Variants in ITGB5 observed in about 807,000 individuals in gnomAD.
The protein encoded by ITGB5 is integrin subunit beta 5, also known as integrin beta-5.
Under a neutral mutation model 84.8 loss-of-function variants are expected in ITGB5, and 38 were observed. The ratio of observed to expected loss-of-function variants is 0.45; its 90% CI spans 0.35 to 0.59. ITGB5 has a LOEUF of 0.59. ITGB5 is among the 20% of genes least tolerant of loss of function. The probability of loss-of-function intolerance (pLI) is 0.01; values close to 1 mark genes in which losing one functional copy is unlikely to be tolerated. For missense variants in ITGB5, 905 were observed against 1,034.5 expected (o/e 0.87, Z 1.72); for synonymous variants, 393 against 414.4 (o/e 0.95, Z 0.63).
At chr3:124,771,039 C>G (rs1032531965) in intron 11 of ITGB5, among the ~76,000 whole-genome samples, 1 of 152,212 alleles carries the variant, frequency 6.6e-6, no homozygotes, top group African/African-American at 2.4e-5. Flanking sequence ...GAAACACTCC[C>G]TAAGTATCCA....
chr3:124,848,480 G>C lies in ITGB5; in HGVS notation c.440C>G (p.Ser147Cys), dbSNP rs756359094. Residue 147 changes from serine (S) to cysteine (C), a missense_variant, in exon 4 of 15, where the codon TCC becomes TGC. Ser to Cys is a moderately radical substitution (Grantham distance 112, BLOSUM62 -1). Coordinates refer to ENST00000296181, the MANE Select transcript of ITGB5 (RefSeq NM_002213.5). ...PVDLYYLMDL[S>C]LSMKDDLDNI... Reference sequence around the variant, plus strand: ...GTCCAAGTCATCCTTCATGGACAGGGAGAGGTCCATCAGGTAGTACAGGTC... The same window carrying C: ...GTCCAAGTCATCCTTCATGGACAGGCAGAGGTCCATCAGGTAGTACAGGTC... 6.2e-7 allele frequency: 1 copy of C among 1,614,124 alleles called. No individual in the cohort carries two copies. The highest frequency in any genetic ancestry group is 8.5e-7 in the Non-Finnish European group (1 of 1,179,992).
At chr3:124,781,558 C>A (rs1338209936) in intron 10 of ITGB5, among the ~76,000 whole-genome samples, 1 of 152,198 alleles carries the variant, frequency 6.6e-6, no homozygotes, top group African/African-American at 2.4e-5. Flanking sequence ...CAAGGGATCT[C>A]AGCTTGGGTC....
intron 10 of ITGB5, chr3:124,787,432 G>A (rs1231246320): frequency 6.6e-6 from 1 of 152,108 alleles, no homozygotes; most frequent in African/African-American, 2.4e-5. Context: ...GGTAAAGGTA[G>A]AAGCATAAGA....
intron 5 of ITGB5, among the ~76,000 whole-genome samples, chr3:124,826,350 C>T (rs146383462): frequency 9.2e-5 from 14 of 152,240 alleles, no homozygotes; most frequent in Admixed American, 4.6e-4. Flanking sequence ...ATGTGGAATT[C>T]GGGTGCCTTC....
intron 5 of ITGB5, among the ~76,000 whole-genome samples, 177 bp downstream of exon 5, chr3:124,841,206 G>A (rs961670023): frequency 2.6e-5 from 4 of 152,092 alleles, no homozygotes; most frequent in South Asian, 2.1e-4. Context: ...CCCGAGCTCC[G>A]GCTGATTTGA....
At chr3:124,788,207 G>A (rs577650496) in intron 10 of ITGB5, among the ~76,000 whole-genome samples, 34 of 152,252 alleles carry the variant, frequency 2.2e-4, no homozygotes, top group Non-Finnish European at 3.8e-4. Flanking sequence ...CCAGCCCCGG[G>A]GGAGAAAAAT....
At chr3:124,769,710 G>A (rs115080852) in intron 11 of ITGB5, 5,826 of 152,382 alleles carry the variant, frequency 0.038, 188 homozygotes, top group African/African-American at 0.08. Flanking sequence ...GGAGAATCTC[G>A]GGCTCCAGCC....
chr3:124,771,039 C>CTAAG (rs541185046), intron 11 of ITGB5, among the ~76,000 whole-genome samples: 3 of 152,212 alleles, frequency 2.0e-5, no homozygotes, highest in Admixed American at 6.5e-5. Context: ...GAAACACTCC[C>CTAAG]TAAGTATCCA....
intron 5 of ITGB5, among the ~76,000 whole-genome samples, chr3:124,836,306 A>G (rs2064934484): frequency 6.6e-6 from 1 of 152,150 alleles, no homozygotes; most frequent in South Asian, 2.1e-4. Flanking sequence ...ACTTGAGCCC[A>G]GAAGTTCAAG....
At chr3:124,818,149 A>C (rs572639316) in intron 7 of ITGB5, among the ~76,000 whole-genome samples, 2 of 152,268 alleles carry the variant, frequency 1.3e-5, no homozygotes, top group African/African-American at 4.8e-5. Flanking sequence ...CAACTTTTCC[A>C]AGGGTCTCAA....
chr3:124,841,577 C>T, intron 4 of ITGB5, 26 bp from the exon 5 acceptor site: 1 of 1,608,108 alleles, frequency 6.2e-7, no homozygotes, highest in Non-Finnish European at 8.5e-7. Context: ...AGAAGAGTCA[C>T]TTTTCCATCA....
chr3:124,794,496 G>C (rs911300117), intron 10 of ITGB5, among the ~76,000 whole-genome samples: 2 of 152,144 alleles, frequency 1.3e-5, no homozygotes, highest in Admixed American at 6.5e-5. Context: ...GAACGAAAAG[G>C]TGGGCTGGGC....
At chr3:124,854,901 G>A (rs931265244) in intron 3 of ITGB5, among the ~76,000 whole-genome samples, 4 of 152,128 alleles carry the variant, frequency 2.6e-5, no homozygotes, top group African/African-American at 9.7e-5. Context: ...ATTATGCTGA[G>A]GCTTGTCCTT....
chr3:124,825,721 T>C (rs2064776215), intron 5 of ITGB5, among the ~76,000 whole-genome samples: 1 of 152,212 alleles, frequency 6.6e-6, no homozygotes, highest in African/African-American at 2.4e-5. Flanking sequence ...GCTGGGAAAC[T>C]TTCCGGGGTG....
At chr3:124,779,154 G>A (rs141904141) in intron 10 of ITGB5, among the ~76,000 whole-genome samples, 80 of 152,230 alleles carry the variant, frequency 5.3e-4, no homozygotes, top group African/African-American at 1.8e-3. Flanking sequence ...CTAGGAACTC[G>A]GAGACCCACG....
At chr3:124,841,793 A>G (rs758867933) in intron 4 of ITGB5, among the ~76,000 whole-genome samples, 2 of 152,232 alleles carry the variant, frequency 1.3e-5, no homozygotes, top group Non-Finnish European at 2.9e-5. Flanking sequence ...AATGGTATGG[A>G]CAAATTGTTC....
At chr3:124,869,479 G>A (rs779971881) in intron 2 of ITGB5, among the ~76,000 whole-genome samples, 4 of 152,212 alleles carry the variant, frequency 2.6e-5, no homozygotes, top group African/African-American at 7.2e-5. Context: ...AGGAAGCTGG[G>A]TAGGAGAATC....
Position 124,766,346 on chromosome 3 carries a change from C to T in ITGB5, c.2018-1G>A, listed in dbSNP as rs777752179. The T allele has an allele frequency of 6.2e-7, 1 of 1,613,880 alleles. No homozygotes were observed. Among genetic ancestry groups the T allele is most frequent in the Non-Finnish European group, 8.5e-7 (1 of 1,179,892 alleles). ...AGCACAGCCTCCTGGTCATCTTTCACTGGAAGAAAACCAAGCGGGAATGGC... is the reference window on the plus strand; with the variant it reads ...AGCACAGCCTCCTGGTCATCTTTCATTGGAAGAAAACCAAGCGGGAATGGC... On this transcript the variant is annotated splice_acceptor_variant, in intron 12 of 14. Transcript: ENST00000296181. LOFTEE classifies it high-confidence loss of function.
At chr3:124,840,542 G>A (rs1378074061) in intron 5 of ITGB5, among the ~76,000 whole-genome samples, 5 of 151,896 alleles carry the variant, frequency 3.3e-5, no homozygotes, top group Admixed American at 6.6e-5. Flanking sequence ...GGAACCTCTC[G>A]AAGCATGAGT....
Sources: allele counts gnomAD v4.1 joint callset (sites outside exome capture counted in the v4.1 genomes callset), GRCh38; gene constraint gnomAD v4.1.1; transcripts MANE v1.5; gene names NCBI Gene and HGNC (gene_info 2026-07-23, HGNC 2026-07-21).